Variants in ANKRD36 observed in about 807,000 individuals in gnomAD.
The protein encoded by ANKRD36 is ankyrin repeat domain-containing protein 36A.
In ANKRD36, 179 loss-of-function variants were observed where a neutral mutation model predicts 278.1. That is an observed-to-expected ratio of 0.64 (90% CI 0.57 to 0.73). The LOEUF (loss-of-function observed/expected upper bound fraction) is 0.73. Among genes scored for constraint, ANKRD36 ranks in the 30% least tolerant of loss-of-function variants. The pLI, the probability that ANKRD36 is intolerant of heterozygous loss-of-function variation, is 0.00. For synonymous variants in ANKRD36, 320 were observed against 641.1 expected, an observed-to-expected ratio of 0.50 and a Z score of 7.57; for missense variants, 1,159 against 1,956.7, an observed-to-expected ratio of 0.59 and a Z score of 7.69.
At chr2:97,198,129 A>C (rs1322249699) in intron 42 of ANKRD36, among the ~76,000 whole-genome samples, 5 of 151,888 alleles carry the variant, frequency 3.3e-5, no homozygotes, top group African/African-American at 7.2e-5. Context: ...TTTGACATTG[A>C]TTCTCAGGTG....
chr2:97,135,857 G>A (rs1407150807), intron 6 of ANKRD36, among the ~76,000 whole-genome samples: 1 of 151,850 alleles, frequency 6.6e-6, no homozygotes, highest in Non-Finnish European at 1.5e-5. Context: ...TATGGACCAT[G>A]GTTGACCATG....
At chr2:97,147,636 A>G (rs999889459) in intron 11 of ANKRD36, among the ~76,000 whole-genome samples, 17 of 152,036 alleles carry the variant, frequency 1.1e-4, no homozygotes, top group African/African-American at 4.1e-4. Context: ...TCATTCTGTC[A>G]TTGAGTGATT....
intron 22 of ANKRD36, among the ~76,000 whole-genome samples, chr2:97,171,543 G>A (rs2052497930): frequency 1.9e-5 from 2 of 107,910 alleles, no homozygotes; most frequent in South Asian, 3.7e-4. Context: ...ACACTCTGGG[G>A]ACTGTGGTGG....
rs760496853 is a variant in ANKRD36 at position 97,211,527 on chromosome 2, T to C, written c.3368-19T>C. The C allele has an allele frequency of 6.2e-6, 10 of 1,603,470 alleles. No individual in the cohort carries two copies. The highest frequency in any genetic ancestry group is 4.0e-5 in the African/African-American group (3 of 74,492). ...TCATATTTACATATGAGTGATTATG[T>C]ATCCCTTTTGCTTTTCAGTGTCTTC... On this transcript the variant is annotated intron_variant, in intron 56 of 75. Transcript: ENST00000420699.
intron 36 of ANKRD36, among the ~76,000 whole-genome samples, chr2:97,192,386 GTCA>G (rs1558633999): frequency 6.6e-6 from 1 of 151,710 alleles, no homozygotes; most frequent in Non-Finnish European, 1.5e-5. Context: ...CAACTGAAGT[GTCA>G]TCATAATTGT....
intron 11 of ANKRD36, among the ~76,000 whole-genome samples, chr2:97,147,083 G>A (rs2044464409): frequency 6.6e-6 from 1 of 151,790 alleles, no homozygotes. Context: ...GACTAGGCCA[G>A]TCCTAGAAAA....
At chr2:97,181,408 T>C (rs1336517797) in intron 24 of ANKRD36, among the ~76,000 whole-genome samples, 190 bp from the exon 25 acceptor site, 3 of 151,484 alleles carry the variant, frequency 2.0e-5, no homozygotes, top group Non-Finnish European at 3.0e-5. Flanking sequence ...GGGTATATTT[T>C]GTGAAGCCTG....
chr2:97,233,151 T>A (rs2153679289), intron 67 of ANKRD36, among the ~76,000 whole-genome samples: 1 of 151,422 alleles, frequency 6.6e-6, no homozygotes, highest in Non-Finnish European at 1.5e-5. Flanking sequence ...AAATGTGCAT[T>A]ATTCTCCACC....
rs1455732009 is a variant in ANKRD36, at chr2:97,211,654, T to A, written c.3397-15T>A. 1 of 1,593,744 alleles carries A rather than the reference T, an allele frequency of 6.3e-7. No individual in the cohort carries two copies. The highest frequency in any genetic ancestry group is 8.5e-7 in the Non-Finnish European group (1 of 1,171,556). ...TACTTTATTTATTGACTGTTTTGTT[T>A]CAAATTCTATTCAGGCTATCTGTGA... On this transcript the variant is annotated splice_polypyrimidine_tract_variant and intron_variant, in intron 57 of 75. Coordinates refer to ENST00000420699, the MANE Select transcript of ANKRD36 (RefSeq NM_001354587.1).
At chr2:97,150,887 T>A (rs1399045633) in intron 12 of ANKRD36, among the ~76,000 whole-genome samples, 1 of 20,680 alleles carries the variant, frequency 4.8e-5, no homozygotes, top group Admixed American at 3.8e-4. Flanking sequence ...TTTTTTTTTC[T>A]TTCCCCCTCT....
intron 6 of ANKRD36, among the ~76,000 whole-genome samples, chr2:97,132,822 A>G (rs1466836162): frequency 1.3e-5 from 2 of 152,050 alleles, no homozygotes; most frequent in Non-Finnish European, 2.9e-5. Context: ...TCTCCTGTGG[A>G]GTTACCAGGA....
At chr2:97,200,997 G>T (rs371803669) in intron 46 of ANKRD36, among the ~76,000 whole-genome samples, 21,079 of 147,854 alleles carry the variant, frequency 0.14, 93 homozygotes, top group Middle Eastern at 0.24. Flanking sequence ...GAGGCAGGAA[G>T]GTGGGAAAAG....
chr2:97,156,548 A>G (rs1326594484), intron 15 of ANKRD36, among the ~76,000 whole-genome samples: 5 of 135,344 alleles, frequency 3.7e-5, no homozygotes, highest in Non-Finnish European at 6.7e-5. Flanking sequence ...AAGGACATGA[A>G]CTCATCATTT....
At chr2:97,175,354 G>A (rs575752301) in intron 22 of ANKRD36, among the ~76,000 whole-genome samples, 1,652 of 151,388 alleles carry the variant, frequency 0.011, 142 homozygotes, top group Admixed American at 0.098. Flanking sequence ...TTTAGTCTTG[G>A]GAGAGTGTAT....
chr2:97,222,516 C>T (rs1330238912), intron 66 of ANKRD36, among the ~76,000 whole-genome samples: 3 of 152,106 alleles, frequency 2.0e-5, no homozygotes, highest in African/African-American at 7.2e-5. Flanking sequence ...GGATAAAAGC[C>T]ATTTTAACTG....
At chr2:97,193,518 G>T (rs1325818041) in intron 38 of ANKRD36, among the ~76,000 whole-genome samples, 2 of 128,486 alleles carry the variant, frequency 1.6e-5, no homozygotes. Context: ...GGATTGTGAG[G>T]CAGGAAGGTG....
intron 34 of ANKRD36, 144 bp from the exon 35 acceptor site, chr2:97,190,834 A>G (rs2058359818): frequency 7.0e-6 from 9 of 1,284,040 alleles, no homozygotes; most frequent in South Asian, 1.4e-5. Flanking sequence ...GTCATGTTCC[A>G]GTCCCAAGAG....
At chr2:97,209,467 A>G (rs1277910666) in intron 54 of ANKRD36, among the ~76,000 whole-genome samples, 2 of 146,300 alleles carry the variant, frequency 1.4e-5, no homozygotes, top group Non-Finnish European at 3.0e-5. Context: ...AAATCATATA[A>G]TGTTTGAAAT....
intron 40 of ANKRD36, among the ~76,000 whole-genome samples, chr2:97,195,310 A>T (rs1169051257): frequency 5.9e-5 from 9 of 151,966 alleles, no homozygotes; most frequent in Non-Finnish European, 5.9e-5. Context: ...AATAACCCAT[A>T]GACACTGTAG....
Sources: gnomAD v4.1 joint callset for allele counts (sites outside exome capture counted in the v4.1 genomes callset) on GRCh38, gnomAD v4.1.1 for gene constraint, MANE v1.5 for transcripts, NCBI Gene and HGNC (gene_info 2026-07-23, HGNC 2026-07-21) for gene names.